SEMA3A: variants seen among roughly 807,000 people sequenced by gnomAD.
SEMA3A encodes semaphorin 3A.
Under a neutral mutation model 97.9 loss-of-function variants are expected in SEMA3A, and 29 were observed. The observed-to-expected ratio is 0.30, with a 90% CI of 0.22 to 0.40. The LOEUF (loss-of-function observed/expected upper bound fraction) is 0.40, where lower values mean the gene tolerates loss of function less well. SEMA3A is among the 10% of genes least tolerant of loss of function. The pLI is 1.00. For missense variants in SEMA3A, 763 were observed against 951.3 expected, an observed-to-expected ratio of 0.80 and a Z score of 2.60; for synonymous variants, 321 against 323.7, an observed-to-expected ratio of 0.99 and a Z score of 0.09.
At chr7:83,971,169 A>G (rs1021913051) in intron 15 of SEMA3A, among the ~76,000 whole-genome samples, 5 of 152,236 alleles carry the variant, frequency 3.3e-5, no homozygotes, top group Admixed American at 6.5e-5. Flanking sequence ...TCACACCTGT[A>G]ACTCCAGCAC....
chr7:83,961,287 A>G lies in SEMA3A; in HGVS notation c.*84T>C. 9.2e-7 allele frequency: 1 copy of G among 1,082,436 alleles called. No homozygotes were observed. The highest frequency in any genetic ancestry group is 1.4e-6 in the Non-Finnish European group (1 of 713,416). 67.1% of individuals were successfully genotyped at this position (1,082,436 alleles called of 1,614,324 possible). A position where few individuals can be genotyped will look rare whatever the true frequency, so the allele number is the denominator to read the frequency against. ...TAAACATCCACATAATGCCATGAAA[A>G]AAGTTCATGTATATTGCATTTGTTT... is the stretch of plus-strand genomic sequence containing the variant. On this transcript the variant is annotated 3_prime_UTR_variant, in exon 17 of 17. Transcript: ENST00000265362.
intron 4 of SEMA3A, among the ~76,000 whole-genome samples, chr7:84,096,960 T>C (rs1296087039): frequency 6.6e-6 from 1 of 152,106 alleles, no homozygotes; most frequent in African/African-American, 2.4e-5. Flanking sequence ...ATATTGCAGT[T>C]AGAAAAGTAT....
intron 9 of SEMA3A, among the ~76,000 whole-genome samples, chr7:84,008,063 A>G (rs1790736519): frequency 6.6e-6 from 1 of 152,224 alleles, no homozygotes; most frequent in Non-Finnish European, 1.5e-5. Flanking sequence ...ACAGAAAATA[A>G]TTACGTTAGT....
At chr7:84,476,569 G>C (rs1806287233) in intron 1 of SEMA3A, among the ~76,000 whole-genome samples, 2 of 151,802 alleles carry the variant, frequency 1.3e-5, no homozygotes, top group African/African-American at 4.8e-5. Flanking sequence ...GCATTCAAGT[G>C]CCTAAAAGTA....
chr7:84,138,026 T>G (rs1008885977), intron 1 of SEMA3A, among the ~76,000 whole-genome samples: 5 of 152,120 alleles, frequency 3.3e-5, no homozygotes, highest in Non-Finnish European at 5.9e-5. Flanking sequence ...TAAGAGTTAA[T>G]GTATCTTTTA....
At chr7:84,376,134 G>GT (rs1273150333) in intron 1 of SEMA3A, among the ~76,000 whole-genome samples, 1 of 152,108 alleles carries the variant, frequency 6.6e-6, no homozygotes, top group African/African-American at 2.4e-5. Flanking sequence ...CTAGGCTATT[G>GT]TGAATAGTGC....
At chr7:84,222,361 A>G (rs1484486352) in intron 3 of SEMA3A, among the ~76,000 whole-genome samples, 1 of 151,970 alleles carries the variant, frequency 6.6e-6, no homozygotes, top group Admixed American at 6.6e-5. Flanking sequence ...TAGATGCAAG[A>G]CAGGTTACCA....
At chr7:83,997,686 T>C (rs1790273684) in intron 12 of SEMA3A, among the ~76,000 whole-genome samples, 1 of 152,188 alleles carries the variant, frequency 6.6e-6, no homozygotes, top group South Asian at 2.1e-4. Context: ...AGCATTTCCA[T>C]GCCAGCATAG....
At chr7:84,484,293 A>T (rs1305862555) in intron 1 of SEMA3A, among the ~76,000 whole-genome samples, 1 of 152,180 alleles carries the variant, frequency 6.6e-6, no homozygotes, top group East Asian at 1.9e-4. Flanking sequence ...GCAAGTGGTT[A>T]ACCTAAATGT....
intron 3 of SEMA3A, among the ~76,000 whole-genome samples, chr7:84,245,431 C>T (rs549062023): frequency 2.6e-4 from 39 of 151,918 alleles, no homozygotes; most frequent in African/African-American, 7.7e-4. Context: ...CTGTGTTTTT[C>T]GGCTCCATCA....
At chr7:84,414,217 G>T (rs535373413) in intron 1 of SEMA3A, among the ~76,000 whole-genome samples, 3 of 151,996 alleles carry the variant, frequency 2.0e-5, no homozygotes, top group Non-Finnish European at 2.9e-5. Flanking sequence ...TGGAAGCTAT[G>T]CACCTGTGTA....
At chr7:84,454,784 C>CT (rs1805647163) in intron 1 of SEMA3A, among the ~76,000 whole-genome samples, 1 of 97,246 alleles carries the variant, frequency 1.0e-5, no homozygotes, top group Non-Finnish European at 1.9e-5. Context: ...AAAACTTAGA[C>CT]AATATTTAAT....
At chr7:84,132,390 T>TC (rs1562801835) in intron 2 of SEMA3A, among the ~76,000 whole-genome samples, 2 of 151,576 alleles carry the variant, frequency 1.3e-5, no homozygotes, top group African/African-American at 4.8e-5. Context: ...CTGTAGAATT[T>TC]TCTTAGCTGT....
chr7:84,078,383 TA>T (rs1031656194), intron 4 of SEMA3A, among the ~76,000 whole-genome samples: 1 of 152,142 alleles, frequency 6.6e-6, no homozygotes, highest in African/African-American at 2.4e-5. Context: ...TTAAAAAAGC[TA>T]TTACTATGTT....
At chr7:84,276,685 T>C (rs1043031386) in intron 3 of SEMA3A, among the ~76,000 whole-genome samples, 19 of 152,126 alleles carry the variant, frequency 1.2e-4, no homozygotes, top group African/African-American at 4.6e-4. Flanking sequence ...TAATATACTA[T>C]CAAGCTCAGC....
At chr7:84,290,734 A>G (rs1043224208) in intron 3 of SEMA3A, among the ~76,000 whole-genome samples, 1 of 152,132 alleles carries the variant, frequency 6.6e-6, no homozygotes, top group Non-Finnish European at 1.5e-5. Flanking sequence ...TGTTTCATGT[A>G]CTAAACTTCA....
chr7:84,355,522 C>T (rs528933052), intron 2 of SEMA3A, among the ~76,000 whole-genome samples: 2 of 151,878 alleles, frequency 1.3e-5, no homozygotes, highest in African/African-American at 4.8e-5. Flanking sequence ...TCTAAATTTA[C>T]GTAACTAACA....
chr7:84,052,119 T>G (rs1024092808), intron 5 of SEMA3A, among the ~76,000 whole-genome samples: 36 of 152,240 alleles, frequency 2.4e-4, no homozygotes, highest in Admixed American at 2.2e-3. Flanking sequence ...TTGCCAGTAT[T>G]TTATTGAGGA....
chr7:84,363,340 G>A (rs1193188285), intron 2 of SEMA3A, among the ~76,000 whole-genome samples: 1 of 151,876 alleles, frequency 6.6e-6, no homozygotes, highest in Non-Finnish European at 1.5e-5. Flanking sequence ...AGGAGATAGA[G>A]ACTAGATTGT....
Sources: allele counts gnomAD v4.1 joint callset (sites outside exome capture counted in the v4.1 genomes callset), GRCh38; gene constraint gnomAD v4.1.1; transcripts MANE v1.5; gene names NCBI Gene and HGNC (gene_info 2026-07-23, HGNC 2026-07-21).